The following ZNG1B variants were observed in gnomAD, a reference collection of about 807,000 sequenced individuals.
ZNG1B encodes zinc-regulated GTPase metalloprotein activator 1B.
At chr2:113,452,233 T>C in the ZNG1B span, among the ~76,000 whole-genome samples, 8 of 152,120 alleles carry the variant, frequency 5.3e-5, no homozygotes, top group African/African-American at 1.9e-4. Flanking sequence ...TTGTGGCCCT[T>C]GCTATATCTT....
the ZNG1B span, chr2:113,462,465 A>G: frequency 6.3e-7 from 1 of 1,598,940 alleles, no homozygotes; most frequent in Non-Finnish European, 8.5e-7. Flanking sequence ...TTCCAGAAGA[A>G]GATGTAAAGA....
chr2:113,466,814 C>T, the ZNG1B span: 1 of 943,784 alleles, frequency 1.1e-6, no homozygotes, highest in Non-Finnish European at 1.3e-6. Flanking sequence ...CCTGTAATCC[C>T]AGCACTTTGG....
chr2:113,488,435 C>T, the ZNG1B span, among the ~76,000 whole-genome samples: 1 of 152,098 alleles, frequency 6.6e-6, no homozygotes, highest in African/African-American at 2.4e-5. Flanking sequence ...AAAACCGACC[C>T]TGGTAGTATG....
the ZNG1B span, among the ~76,000 whole-genome samples, chr2:113,438,703 A>T: frequency 1.3e-5 from 2 of 151,950 alleles, no homozygotes; most frequent in African/African-American, 4.8e-5. Context: ...TTACACTAGA[A>T]GTTTCTTACT....
At chr2:113,444,168 T>C in the ZNG1B span, 4 of 475,220 alleles carry the variant, frequency 8.4e-6, no homozygotes, top group Admixed American at 1.3e-4. Flanking sequence ...TAATCTGTCA[T>C]TGGTCATATT....
the ZNG1B span, among the ~76,000 whole-genome samples, chr2:113,471,778 C>G: frequency 6.6e-6 from 1 of 151,884 alleles, no homozygotes; most frequent in African/African-American, 2.4e-5. Context: ...TGATGATTTC[C>G]AATTTCATCC....
chr2:113,467,076 A>C, the ZNG1B span, among the ~76,000 whole-genome samples: 1 of 150,024 alleles, frequency 6.7e-6, no homozygotes, highest in Admixed American at 6.6e-5. Flanking sequence ...AAAAAAAAAA[A>C]AACAAACAAA....
At chr2:113,447,908 G>A in the ZNG1B span, 1 of 450,382 alleles carries the variant, frequency 2.2e-6, no homozygotes, top group Non-Finnish European at 4.4e-6. Flanking sequence ...TTCCTCCATT[G>A]AAGTCTGGAA....
the ZNG1B span, among the ~76,000 whole-genome samples, chr2:113,483,776 G>GT: frequency 6.6e-6 from 1 of 151,966 alleles, no homozygotes; most frequent in African/African-American, 2.4e-5. Flanking sequence ...TCAAACGTGC[G>GT]TAAGAGTAGA....
At chr2:113,439,275 CT>C in the ZNG1B span, among the ~76,000 whole-genome samples, 1 of 152,250 alleles carries the variant, frequency 6.6e-6, no homozygotes, top group East Asian at 1.9e-4. Flanking sequence ...CATTTTTCTT[CT>C]GATTTTTCCA....
At chr2:113,439,561 G>A in the ZNG1B span, among the ~76,000 whole-genome samples, 2 of 152,076 alleles carry the variant, frequency 1.3e-5, no homozygotes, top group African/African-American at 4.8e-5. Context: ...ATCCGACTGC[G>A]TCACACCTTT....
chr2:113,456,382 G>T, the ZNG1B span, among the ~76,000 whole-genome samples: 1 of 151,074 alleles, frequency 6.6e-6, no homozygotes, highest in Non-Finnish European at 1.5e-5. Context: ...AGGCATGTTT[G>T]AATCTACCTC....
chr2:113,484,541 G>T, the ZNG1B span, among the ~76,000 whole-genome samples: 1 of 152,256 alleles, frequency 6.6e-6, no homozygotes, highest in African/African-American at 2.4e-5. Flanking sequence ...GCTTCATGAG[G>T]ATAGTTTTTT....
chr2:113,446,815 TACAC>T, the ZNG1B span, among the ~76,000 whole-genome samples: 1,414 of 146,708 alleles, frequency 9.6e-3, 7 homozygotes, highest in Non-Finnish European at 0.015. Context: ...CACACATTCA[TACAC>T]ACACACACAA....
chr2:113,454,282 G>GTTA, the ZNG1B span, among the ~76,000 whole-genome samples: 1 of 152,156 alleles, frequency 6.6e-6, no homozygotes, highest in African/African-American at 2.4e-5. Flanking sequence ...GATGAGAGAT[G>GTTA]TTAGGAATGA....
At chr2:113,473,261 G>C in the ZNG1B span, among the ~76,000 whole-genome samples, 1 of 151,022 alleles carries the variant, frequency 6.6e-6, no homozygotes, top group African/African-American at 2.4e-5. Context: ...GTGAATGGGA[G>C]TTCACTCATG....
the ZNG1B span, chr2:113,437,959 G>A: frequency 6.2e-7 from 1 of 1,612,040 alleles, no homozygotes; most frequent in South Asian, 1.1e-5. Context: ...GACGCAAAGC[G>A]AGGAGGAGGA....
chr2:113,481,816 C>G, the ZNG1B span: 17,924 of 156,366 alleles, frequency 0.11, no homozygotes, highest in East Asian at 0.26. Context: ...AGTTAAGGAA[C>G]TCTGAGCAAT....
the ZNG1B span, among the ~76,000 whole-genome samples, chr2:113,479,523 G>A: frequency 1.3e-5 from 2 of 152,064 alleles, no homozygotes; most frequent in Admixed American, 6.6e-5. Context: ...ATTCTGGGAG[G>A]TTAAGACCCT....
Sources: gnomAD v4.1 joint callset for allele counts (sites outside exome capture counted in the v4.1 genomes callset) on GRCh38, gnomAD v4.1.1 for gene constraint, MANE v1.5 for transcripts, NCBI Gene and HGNC (gene_info 2026-07-23, HGNC 2026-07-21) for gene names.